Variants in GREB1L observed in about 807,000 individuals in gnomAD.
The protein encoded by GREB1L is GREB1-like protein.
A neutral mutation model predicts 200.8 loss-of-function variants in GREB1L; 17 were observed. The observed-to-expected ratio is 0.08, with a 90% CI of 0.06 to 0.13. The LOEUF (loss-of-function observed/expected upper bound fraction) is 0.13. Ranked by LOEUF, GREB1L falls within the 10% of genes least tolerant of loss-of-function variation. GREB1L has a pLI of 1.00. For missense variants in GREB1L, 1,657 were observed against 2,367.7 expected (o/e 0.70, Z 6.23); for synonymous variants, 789 against 893.0 (o/e 0.88, Z 2.08).
At chr18:21,408,893 TG>T (rs1598779008) in intron 7 of GREB1L, among the ~76,000 whole-genome samples, 1 of 151,498 alleles carries the variant, frequency 6.6e-6, no homozygotes, top group South Asian at 2.1e-4. Flanking sequence ...TGTGGAGAAG[TG>T]GGAACCATTA....
At chr18:21,288,999 G>C (rs2038403717) in intron 1 of GREB1L, among the ~76,000 whole-genome samples, 1 of 152,048 alleles carries the variant, frequency 6.6e-6, no homozygotes, top group African/African-American at 2.4e-5. Context: ...GCCTCCCAAA[G>C]TGCTGGGATT....
chr18:21,516,514 A>T, intron 29 of GREB1L, 99 bp from the exon 30 acceptor site: 1 of 1,160,854 alleles, frequency 8.6e-7, no homozygotes, highest in Non-Finnish European at 1.2e-6. Context: ...TGATTATTTT[A>T]GGCTCCTAAT....
chr18:21,312,593 C>T (rs1226402851), intron 1 of GREB1L, among the ~76,000 whole-genome samples: 2 of 151,782 alleles, frequency 1.3e-5, no homozygotes, highest in Non-Finnish European at 2.9e-5. Context: ...CTCGCCCTGT[C>T]GCCAGGCTGG....
intron 1 of GREB1L, among the ~76,000 whole-genome samples, chr18:21,338,847 G>A (rs1412414672): frequency 2.0e-5 from 3 of 152,214 alleles, no homozygotes; most frequent in Non-Finnish European, 4.4e-5. Context: ...AGGAGAGTGA[G>A]GATCATGTCC....
At chr18:21,402,148 C>T (rs535516589) in intron 6 of GREB1L, among the ~76,000 whole-genome samples, 4 of 152,132 alleles carry the variant, frequency 2.6e-5, no homozygotes, top group South Asian at 2.1e-4. Context: ...CAGAACTTAA[C>T]GCTTGTGACC....
intron 2 of GREB1L, chr18:21,380,637 C>T (rs913711718): frequency 6.6e-6 from 1 of 152,138 alleles, no homozygotes; most frequent in Non-Finnish European, 1.5e-5. Context: ...CTGGTCACTT[C>T]GTTTCTTCAA....
At chr18:21,254,398 G>T (rs2037768338) in intron 1 of GREB1L, among the ~76,000 whole-genome samples, 1 of 151,904 alleles carries the variant, frequency 6.6e-6, no homozygotes, top group African/African-American at 2.4e-5. Context: ...TGGTCTGCAT[G>T]ACTCTACTTT....
At chr18:21,430,358 T>G (rs1005743891) in intron 7 of GREB1L, among the ~76,000 whole-genome samples, 1 of 151,800 alleles carries the variant, frequency 6.6e-6, no homozygotes, top group African/African-American at 2.4e-5. Context: ...TTTTCATTGG[T>G]CAATCTGGCT....
At chr18:21,281,066 C>T (rs2038261270) in intron 1 of GREB1L, among the ~76,000 whole-genome samples, 1 of 152,204 alleles carries the variant, frequency 6.6e-6, no homozygotes, top group African/African-American at 2.4e-5. Flanking sequence ...ACAACTCTGG[C>T]TGTCCAGCTT....
At chr18:21,321,203 G>A (rs1198915424) in intron 1 of GREB1L, among the ~76,000 whole-genome samples, 4 of 151,934 alleles carry the variant, frequency 2.6e-5, no homozygotes, top group African/African-American at 7.3e-5. Flanking sequence ...CCTGAGGCAG[G>A]AGAATCGCTT....
intron 1 of GREB1L, among the ~76,000 whole-genome samples, chr18:21,317,985 G>A (rs938550496): frequency 6.6e-6 from 1 of 151,906 alleles, no homozygotes; most frequent in Non-Finnish European, 1.5e-5. Flanking sequence ...GCATGTGCCT[G>A]TAATCCCAGC....
At chr18:21,499,437 G>A (rs558919862) in intron 21 of GREB1L, among the ~76,000 whole-genome samples, 4 of 152,278 alleles carry the variant, frequency 2.6e-5, no homozygotes, top group East Asian at 1.9e-4. Context: ...GACCTGAGCC[G>A]CAGCCCACAG....
chr18:21,404,476 GA>G (rs2144584090), intron 7 of GREB1L, among the ~76,000 whole-genome samples: 1 of 152,336 alleles, frequency 6.6e-6, no homozygotes, highest in Non-Finnish European at 1.5e-5. Flanking sequence ...AGTGATACAA[GA>G]GAGGGACTTG....
At chr18:21,435,841 A>G (rs189256144) in intron 7 of GREB1L, among the ~76,000 whole-genome samples, 1 of 152,182 alleles carries the variant, frequency 6.6e-6, no homozygotes, top group Admixed American at 6.5e-5. Flanking sequence ...TTTGATTTGA[A>G]CTTGAGCTAG....
chr18:21,468,514 A>G (rs1269804214), intron 15 of GREB1L, among the ~76,000 whole-genome samples: 1 of 152,228 alleles, frequency 6.6e-6, no homozygotes, highest in Non-Finnish European at 1.5e-5. Context: ...TACATTATAA[A>G]TGGGTAAATT....
Position 21,268,560 on chromosome 18 carries a change from C to CACAT in GREB1L, c.-120+26168_-120+26169insCATA, listed in dbSNP as rs1204514384. Among the ~76,000 whole-genome samples the CACAT allele has an allele frequency of 5.2e-3, 331 of 63,502 alleles. 1 individual carries two copies. The highest frequency in any genetic ancestry group is 0.015 in the East Asian group (29 of 1,884). 41.7% of individuals were successfully genotyped at this position (63,502 alleles called of 152,430 possible). A position where few individuals can be genotyped will look rare whatever the true frequency, so the allele number is the denominator to read the frequency against. Reference sequence around the variant, plus strand: ...ACACACACACACACACACACACACACATATATATATATATATATATATATA... The same window carrying CACAT: ...ACACACACACACACACACACACACACACATATATATATATATATATATATATATA... On this transcript the variant is annotated intron_variant, in intron 1 of 32. Transcript: ENST00000424526.
At chr18:21,425,430 C>T (rs1361480268) in intron 7 of GREB1L, among the ~76,000 whole-genome samples, 2 of 152,174 alleles carry the variant, frequency 1.3e-5, no homozygotes, top group Non-Finnish European at 2.9e-5. Flanking sequence ...AGTGGAATTG[C>T]TGGGTCATAT....
chr18:21,298,685 A>G (rs1005365767), intron 1 of GREB1L, among the ~76,000 whole-genome samples: 1 of 152,162 alleles, frequency 6.6e-6, no homozygotes, highest in Non-Finnish European at 1.5e-5. Flanking sequence ...ATTTCCAATG[A>G]AAAAAATGAA....
At chr18:21,515,370 C>G in intron 28 of GREB1L, 47 bp from the exon 29 acceptor site, 1 of 1,310,670 alleles carries the variant, frequency 7.6e-7, no homozygotes, top group Non-Finnish European at 1.1e-6. Flanking sequence ...AAATGATCCT[C>G]TCTTCTGTAA....
Sources: allele counts gnomAD v4.1 joint callset (sites outside exome capture counted in the v4.1 genomes callset), GRCh38; gene constraint gnomAD v4.1.1; transcripts MANE v1.5; gene names NCBI Gene and HGNC (gene_info 2026-07-23, HGNC 2026-07-21).